The following FGD2 variants were observed in gnomAD, a reference collection of about 807,000 sequenced individuals.
The protein encoded by FGD2 is FYVE, RhoGEF and PH domain containing 2.
Under a neutral mutation model 75.9 loss-of-function variants are expected in FGD2, and 52 were observed. The observed-to-expected ratio is 0.69, with a 90% CI of 0.55 to 0.86. FGD2 has a LOEUF of 0.86. Among genes scored for constraint, FGD2 ranks in the 40% least tolerant of loss-of-function variants. FGD2 has a pLI of 0.00. For synonymous variants in FGD2, 347 were observed against 348.6 expected, an observed-to-expected ratio of 1.00 and a Z score of 0.05; for missense variants, 790 against 872.0, an observed-to-expected ratio of 0.91 and a Z score of 1.18.
intron 5 of FGD2, 95 bp from the exon 6 acceptor site, chr6:37,013,867 C>T: frequency 6.3e-7 from 1 of 1,584,006 alleles, no homozygotes; most frequent in Non-Finnish European, 8.6e-7. Context: ...CAGCTGCTTC[C>T]ATAGGCCCCT....
intron 11 of FGD2, among the ~76,000 whole-genome samples, chr6:37,021,295 G>A (rs1032705039): frequency 6.6e-6 from 1 of 152,112 alleles, no homozygotes; most frequent in Non-Finnish European, 1.5e-5. Flanking sequence ...GCAGTCCAGG[G>A]CCAGTCACTT....
At chr6:37,010,586 C>T (rs138560622) in intron 2 of FGD2, among the ~76,000 whole-genome samples, 5 of 152,300 alleles carry the variant, frequency 3.3e-5, no homozygotes, top group Admixed American at 6.5e-5. Flanking sequence ...CAGGGACAGC[C>T]GGAAGACTGG....
At chr6:37,021,083 T>C (rs1479920402) in intron 11 of FGD2, among the ~76,000 whole-genome samples, 2 of 151,874 alleles carry the variant, frequency 1.3e-5, no homozygotes, top group Non-Finnish European at 2.9e-5. Flanking sequence ...TGTGTATGTG[T>C]GTGTTTGTAT....
At chr6:37,012,136 G>A in intron 4 of FGD2, 1 of 350,968 alleles carries the variant, frequency 2.8e-6, no homozygotes, top group Non-Finnish European at 5.1e-6. Context: ...AGTGCCAACT[G>A]AGGGCTTCCT....
In FGD2 at chr6:37,028,177, G is replaced by GCTCTCCTGCCCAC. The variant is rs760791093; in HGVS notation, c.*21_*33dup. On this transcript the variant is annotated 3_prime_UTR_variant, in exon 16 of 16. Coordinates refer to ENST00000274963, the MANE Select transcript of FGD2 (RefSeq NM_173558.4). ...CTGTCCGACTGAGCCACTGCCAGCC[G>GCTCTCCTGCCCAC]CTCTCCTGCCCACCTCTCCCCACCC... The GCTCTCCTGCCCAC allele has an allele frequency of 2.9e-5, 44 of 1,535,708 alleles. No individual in the cohort carries two copies. In the African/African-American group the frequency reaches 5.7e-4, roughly 20 times the overall value.
intron 13 of FGD2, chr6:37,024,779 G>A (rs1450284859): frequency 1.3e-5 from 2 of 152,190 alleles, no homozygotes; most frequent in South Asian, 2.1e-4. Flanking sequence ...GCAGATCTTC[G>A]TGCCTGCTGA....
chr6:37,008,015 T>A (rs1314358253), intron 1 of FGD2, among the ~76,000 whole-genome samples: 4 of 152,210 alleles, frequency 2.6e-5, no homozygotes, highest in South Asian at 4.1e-4. Flanking sequence ...GAATCCCACC[T>A]CTGCCACTTC....
chr6:37,021,858 G>A, intron 12 of FGD2: 1 of 501,824 alleles, frequency 2.0e-6, no homozygotes, highest in South Asian at 3.0e-5. Flanking sequence ...AGCTCCAGCT[G>A]CAGGGGGCAG....
chr6:37,011,568 C>A, intron 3 of FGD2, 138 bp from the exon 4 acceptor site: 2 of 1,190,390 alleles, frequency 1.7e-6, no homozygotes, highest in Non-Finnish European at 1.2e-6. Flanking sequence ...GCCTTCTTTT[C>A]CCGGGGTTGC....
At chr6:37,011,967 GC>G in intron 4 of FGD2, 113 bp downstream of exon 4, 2 of 1,222,578 alleles carry the variant, frequency 1.6e-6, no homozygotes, top group Non-Finnish European at 1.1e-6. Context: ...TTATTGTGTG[GC>G]CATGCCTCCC....
chr6:37,011,255 TGCC>T, intron 3 of FGD2: 1 of 608,220 alleles, frequency 1.6e-6, no homozygotes, highest in Non-Finnish European at 2.9e-6. Flanking sequence ...CTGCCTGTGG[TGCC>T]CAGGCTGGCC....
intron 9 of FGD2, among the ~76,000 whole-genome samples, chr6:37,020,116 T>C (rs1046718266): frequency 2.0e-5 from 3 of 152,258 alleles, no homozygotes; most frequent in African/African-American, 7.2e-5. Context: ...CCTCCCAAAA[T>C]GCTGGGATTA....
intron 9 of FGD2, among the ~76,000 whole-genome samples, chr6:37,018,622 T>C (rs1022252468): frequency 6.6e-6 from 1 of 152,132 alleles, no homozygotes; most frequent in African/African-American, 2.4e-5. Flanking sequence ...TGGACACACA[T>C]ACCTAGGGGC....
rs770122112 is a variant in FGD2 at position 37,025,771 on chromosome 6, C to T, written c.1459-21C>T. The T allele has an allele frequency of 7.4e-6, 12 of 1,613,944 alleles. No individual in the cohort carries two copies. In the Middle Eastern group the frequency reaches 1.3e-3, roughly 177 times the overall value. ...CCGGTGCCTGGTCTCAGCCCCATGC[C>T]CCCTTATGTGTCCTCCTCAGGTGGT... On this transcript the variant is annotated intron_variant, in intron 13 of 15. Transcript: ENST00000274963.
At chr6:37,022,168 C>T in intron 12 of FGD2, 71 bp from the exon 13 acceptor site, 1 of 1,526,290 alleles carries the variant, frequency 6.6e-7, no homozygotes, top group South Asian at 1.2e-5. Context: ...CACAGGGCCC[C>T]AGGCCCTGGG....
In FGD2 at chr6:37,014,048, G is replaced by C. The variant is rs542454301; in HGVS notation, c.771G>C (p.Lys257Asn). Reference protein sequence around the residue: ...QRIPRYELLLKEYIQKLPAQA... With the variant: ...QRIPRYELLLNEYIQKLPAQA... ...TTCCACGTTACGAGCTGCTGCTCAA[G>C]GAGTACATCCAGAAGCTGCCAGCCC... Residue 257 changes from lysine (K) to asparagine (N), a missense_variant, in exon 6 of 16, where the codon AAG becomes AAC. Physicochemically the swap from Lys to Asn is moderately conservative, Grantham distance 94 (BLOSUM62 0). Transcript: ENST00000274963. 1.9e-6 allele frequency: 3 copies of C among 1,614,158 alleles called. No homozygotes were observed. The South Asian group carries it at 3.3e-5, about 18-fold the overall frequency.
chr6:37,008,609 A>C (rs986203457), intron 1 of FGD2, among the ~76,000 whole-genome samples: 1 of 152,140 alleles, frequency 6.6e-6, no homozygotes, highest in African/African-American at 2.4e-5. Context: ...TCCCCAGAAA[A>C]TAAAATATAG....
chr6:37,011,480 G>T (rs1350591381), intron 3 of FGD2: 1 of 603,136 alleles, frequency 1.7e-6, no homozygotes, highest in Admixed American at 3.1e-5. Context: ...TTCATCAGCT[G>T]CCAGCCTTTG....
intron 12 of FGD2, chr6:37,021,868 G>A: frequency 2.0e-6 from 1 of 497,166 alleles, no homozygotes; most frequent in Non-Finnish European, 3.6e-6. Context: ...GCAGGGGGCA[G>A]TAGGGTTTTG....
Sources: gnomAD v4.1 joint callset for allele counts (sites outside exome capture counted in the v4.1 genomes callset) on GRCh38, gnomAD v4.1.1 for gene constraint, MANE v1.5 for transcripts, NCBI Gene and HGNC (gene_info 2026-07-23, HGNC 2026-07-21) for gene names.